Variants in MEIS3 observed in about 807,000 individuals in gnomAD.
MEIS3 encodes Meis homeobox 3.
MEIS3 carries 38 observed loss-of-function variants against 51.4 expected under a neutral mutation model. That is an observed-to-expected ratio of 0.74 (90% CI 0.57 to 0.97). The LOEUF is 0.97. MEIS3 is among the 50% of genes least tolerant of loss of function. The pLI is 0.00. For synonymous variants in MEIS3, 198 were observed against 201.8 expected (o/e 0.98, Z 0.16); for missense variants, 456 against 502.6 (o/e 0.91, Z 0.89).
chr19:47,414,628 T>C (rs1010012032), intron 6 of MEIS3, 89 bp downstream of exon 6: 2 of 1,453,370 alleles, frequency 1.4e-6, no homozygotes, highest in Non-Finnish European at 1.9e-6. Flanking sequence ...TGGCTTCGTC[T>C]GAGGCTGTGT....
intron 6 of MEIS3, among the ~76,000 whole-genome samples, chr19:47,411,582 C>A (rs906771417): frequency 1.1e-4 from 16 of 151,608 alleles, no homozygotes; most frequent in Non-Finnish European, 2.2e-4. Context: ...GCCCTGTCCC[C>A]CAGGCTGGAG....
chr19:47,408,064 C>G (rs1205656968), intron 8 of MEIS3, among the ~76,000 whole-genome samples: 1 of 152,192 alleles, frequency 6.6e-6, no homozygotes, highest in African/African-American at 2.4e-5. Flanking sequence ...CTCGGCCTCC[C>G]AAAGTGTTGG....
At chr19:47,417,668 C>CAG (rs752394620) in intron 1 of MEIS3, 6 of 702,488 alleles carry the variant, frequency 8.5e-6, no homozygotes, top group African/African-American at 3.5e-5. Context: ...GTGACAGAGA[C>CAG]AGAGAGAGAG....
intron 1 of MEIS3, chr19:47,417,694 G>A: frequency 2.8e-6 from 2 of 702,126 alleles, no homozygotes; most frequent in Non-Finnish European, 5.2e-6. Context: ...CAGAGAGGGA[G>A]ATCCATGGAC....
chr19:47,407,464 GCC>G, intron 8 of MEIS3, 36 bp from the exon 9 acceptor site: 1 of 1,613,746 alleles, frequency 6.2e-7, no homozygotes, highest in Non-Finnish European at 8.5e-7. Flanking sequence ...TGCCTGCCTG[GCC>G]GGCCGCAGTC....
Position 47,403,173 on chromosome 19 carries a change from G to A in MEIS3, c.*398C>T, listed in dbSNP as rs1970662420. ...TAAAAAAAAGAAGAAATTAGAGAAG[G>A]GAGGTAGGGGGGACAGGAGAGTGAA... is the stretch of plus-strand genomic sequence containing the variant. On this transcript the variant is annotated 3_prime_UTR_variant, in exon 13 of 13. Coordinates refer to ENST00000558555, the MANE Select transcript of MEIS3 (RefSeq NM_001301059.2). 4.5e-6 allele frequency: 1 copy of A among 222,166 alleles called. No individual in the cohort carries two copies. Among genetic ancestry groups the A allele is most frequent in the African/African-American group, 2.4e-5 (1 of 41,862 alleles). The allele number at this position is 222,166 out of a possible 1,614,324, so 13.8% of individuals were successfully genotyped here.
upstream of MEIS3, among the ~76,000 whole-genome samples, chr19:47,420,940 A>ACACACACACACT (rs1187725467): frequency 2.6e-4 from 24 of 90,992 alleles, no homozygotes; most frequent in East Asian, 5.0e-4. Flanking sequence ...ACACACACAC[A>ACACACACACACT]CTCTCTCTCT....
upstream of MEIS3, among the ~76,000 whole-genome samples, chr19:47,419,706 C>T (rs1043660186): frequency 6.6e-6 from 1 of 150,724 alleles, no homozygotes; most frequent in East Asian, 2.0e-4. Flanking sequence ...CCCTGGTGCC[C>T]CCAGGCCCCT....
chr19:47,416,821 C>A lies in MEIS3; in HGVS notation c.328G>T (p.Ala110Ser). ...GTGCCCACCTGCTTGGCAAAGGCAG[C>A]GATGTCCTCGTTGAAGGAATCAGAG... The part of the protein sequence containing the change: ...CSSDSFNEDI[A>S]AFAKQVRSER... Residue 110 changes from alanine (A) to serine (S), a missense_variant, in exon 3 of 13, where the codon GCT becomes TCT. Transcript: ENST00000558555. The A allele has an allele frequency of 6.2e-7, 1 of 1,613,662 alleles. No homozygotes were observed. Among genetic ancestry groups the A allele is most frequent in the Non-Finnish European group, 8.5e-7 (1 of 1,179,830 alleles).
In MEIS3 at chr19:47,407,395, G is replaced by T. The variant is rs761043957; in HGVS notation, c.892C>A (p.Leu298Met). The change falls in exon 9 of 13, where the codon CTG becomes ATG. Residue 298 changes from leucine (L) to methionine (M), a missense_variant. By Grantham distance (15) the Leu-to-Met change is conservative (BLOSUM62 2). Coordinates refer to ENST00000558555, the MANE Select transcript of MEIS3 (RefSeq NM_001301059.2). ...PYPSEEQKKQLAQDTGLTILQ... is the reference protein window; with the variant it reads ...PYPSEEQKKQMAQDTGLTILQ... ...ATGGTGAGCCCCGTGTCCTGCGCCA[G>T]CTGTTTCTTCTGCTCCTCCGAGGGG... 4 of 1,613,756 alleles carry T rather than the reference G, an allele frequency of 2.5e-6. No individual in the cohort carries two copies. The South Asian group carries it at 4.4e-5, about 18-fold the overall frequency.
chr19:47,407,307 G>A (rs1568420064), intron 9 of MEIS3, 45 bp downstream of exon 9: 1 of 1,594,208 alleles, frequency 6.3e-7, no homozygotes, highest in Non-Finnish European at 8.6e-7. Flanking sequence ...ACAGCGCCCG[G>A]GCTCTCGCCC....
rs146583722 is a variant in MEIS3 at position 47,408,912 on chromosome 19, G to A, written c.858+187C>T. On this transcript the variant is annotated intron_variant, in intron 8 of 12. Coordinates refer to ENST00000558555, the MANE Select transcript of MEIS3 (RefSeq NM_001301059.2). ...ACTTAGTGAGTTAAGTGTCCTGAGCGGCACCTGCACTCAGGTGACACTCAG... is the reference window on the plus strand; with the variant it reads ...ACTTAGTGAGTTAAGTGTCCTGAGCAGCACCTGCACTCAGGTGACACTCAG... Among the ~76,000 whole-genome samples the A allele has an allele frequency of 1.2e-4, 18 of 152,082 alleles. No individual in the cohort carries two copies. The East Asian group carries it at 3.3e-3, about 28-fold the overall frequency.
At chr19:47,403,883 A>G (rs774456414) in intron 12 of MEIS3, among the ~76,000 whole-genome samples, 2 of 151,946 alleles carry the variant, frequency 1.3e-5, no homozygotes, top group Non-Finnish European at 2.9e-5. Flanking sequence ...AGTCATGAAG[A>G]AATAGACGAA....
rs1351143460 is a variant in MEIS3 at position 47,414,705 on chromosome 19, T to C, written c.597+12A>G. On this transcript the variant is annotated intron_variant, in intron 6 of 12. Coordinates refer to ENST00000558555, the MANE Select transcript of MEIS3 (RefSeq NM_001301059.2). Reference sequence around the variant, plus strand: ...GCTGCAGGACGATGCCTGGTGCCCGTCCCGGGCCCACCTGGTCTGGGAGGC... The same window carrying C: ...GCTGCAGGACGATGCCTGGTGCCCGCCCCGGGCCCACCTGGTCTGGGAGGC... 6.3e-7 allele frequency: 1 copy of C among 1,581,594 alleles called. No homozygotes were observed. Among genetic ancestry groups the C allele is most frequent in the South Asian group, 1.1e-5 (1 of 87,194 alleles).
chr19:47,418,665 T>G (rs1971579790), intron 1 of MEIS3: 3 of 132,884 alleles, frequency 2.3e-5, no homozygotes, highest in African/African-American at 3.2e-5. Context: ...GCGGCTGAGA[T>G]GGAGGAGGAA....
At position 47,407,073 on chromosome 19, in the gene MEIS3, CT is replaced by C. The variant is rs1440717949; in HGVS notation, c.994+5del. 6.8e-6 allele frequency: 11 copies of C among 1,609,772 alleles called. No homozygotes were observed. The highest frequency in any genetic ancestry group is 6.8e-6 in the Non-Finnish European group (8 of 1,178,490). On this transcript the variant is annotated splice_donor_5th_base_variant and intron_variant, in intron 10 of 12. Coordinates refer to ENST00000558555, the MANE Select transcript of MEIS3 (RefSeq NM_001301059.2). ...CAGGCTCTCCGTCCCCGCCTTCCCCCTGTACCTGTGCGGTTGGATTGATCGA... is the reference window on the plus strand; with the variant it reads ...CAGGCTCTCCGTCCCCGCCTTCCCCCGTACCTGTGCGGTTGGATTGATCGA...
Position 47,414,851 on chromosome 19 carries a change from C to T in MEIS3, c.463G>A (p.Asp155Asn), listed in dbSNP as rs145236300. 152 of 1,608,100 alleles carry T rather than the reference C, an allele frequency of 9.5e-5. No homozygotes were observed. The East Asian group carries it at 2.5e-3, about 27-fold the overall frequency. ...LELEKVHDLCDNFCHRYITCL... is the reference protein window; with the variant it reads ...LELEKVHDLCNNFCHRYITCL... ...GTGATGTAGCGGTGACAGAAGTTGT[C>T]GCACAGGTCGTGGACCTGGGGGGGC... The change falls in exon 6 of 13, where the codon GAC becomes AAC. Residue 155 changes from aspartate to asparagine, a missense_variant. Physicochemically the swap from Asp to Asn is conservative, Grantham distance 23. Transcript: ENST00000558555.
At chr19:47,408,568 C>G (rs1228084925) in intron 8 of MEIS3, among the ~76,000 whole-genome samples, 2 of 152,078 alleles carry the variant, frequency 1.3e-5, no homozygotes, top group African/African-American at 4.8e-5. Flanking sequence ...CTCTGTGACT[C>G]GGCCTCTCCC....
At chr19:47,419,744 G>C (rs1038859547), upstream of MEIS3, among the ~76,000 whole-genome samples, 3 of 151,428 alleles carry the variant, frequency 2.0e-5, no homozygotes, top group Non-Finnish European at 4.4e-5. Flanking sequence ...TGGGGTTCCT[G>C]CTCCGGGTTT....
Sources: allele counts gnomAD v4.1 joint callset (sites outside exome capture counted in the v4.1 genomes callset), GRCh38; gene constraint gnomAD v4.1.1; transcripts MANE v1.5; gene names NCBI Gene and HGNC (gene_info 2026-07-23, HGNC 2026-07-21).